The following NOS1AP variants were observed in gnomAD, a reference collection of about 807,000 sequenced individuals.
NOS1AP encodes carboxyl-terminal PDZ ligand of neuronal nitric oxide synthase protein.
A neutral mutation model predicts 56.2 loss-of-function variants in NOS1AP; 21 were observed. The ratio of observed to expected loss-of-function variants is 0.37; its 90% confidence interval spans 0.26 to 0.54. The LOEUF is 0.54. NOS1AP is among the 20% of genes least tolerant of loss of function. The probability of loss-of-function intolerance (pLI) is 0.84; values close to 1 mark genes in which losing one functional copy is unlikely to be tolerated. For missense variants in NOS1AP, 522 were observed against 657.8 expected (o/e 0.79, Z 2.26); for synonymous variants, 270 against 274.6 (o/e 0.98, Z 0.17).
intron 1 of NOS1AP, among the ~76,000 whole-genome samples, chr1:162,087,853 A>G (rs1208401223): frequency 6.6e-6 from 1 of 152,080 alleles, no homozygotes; most frequent in Non-Finnish European, 1.5e-5. Flanking sequence ...GGAGGAGAAA[A>G]CTTGTGATCT....
Position 162,279,248 on chromosome 1 carries a change from G to A in NOS1AP, c.178-8096G>A, listed in dbSNP as rs369040207. Reference sequence around the variant, plus strand: ...TTGTTCAGCTACCCGTGACCTGTCAGCATGCTCCTGGTCAGAGAAAAGTGA... The same window carrying A: ...TTGTTCAGCTACCCGTGACCTGTCAACATGCTCCTGGTCAGAGAAAAGTGA... On this transcript the variant is annotated intron_variant, in intron 2 of 9. Coordinates refer to ENST00000361897, the MANE Select transcript of NOS1AP (RefSeq NM_014697.3). 8.5e-5 allele frequency among the ~76,000 whole-genome samples: 13 copies of A among 152,290 alleles called. No homozygotes were observed. In the South Asian group the frequency reaches 2.3e-3, roughly 27 times the overall value.
chr1:162,174,863 C>T (rs1650988769), intron 2 of NOS1AP, among the ~76,000 whole-genome samples: 1 of 152,172 alleles, frequency 6.6e-6, no homozygotes, highest in African/African-American at 2.4e-5. Flanking sequence ...TGGACTGTGA[C>T]TGTTTTTCAG....
At chr1:162,289,115 G>A (rs1264317095) in intron 3 of NOS1AP, among the ~76,000 whole-genome samples, 1 of 152,190 alleles carries the variant, frequency 6.6e-6, no homozygotes, top group East Asian at 1.9e-4. Context: ...TCAGCAATCT[G>A]TGGCTGACAC....
In NOS1AP at chr1:162,140,789, C is replaced by T. The variant is rs1179198294; in HGVS notation, c.106-13616C>T. Among the ~76,000 whole-genome samples the T allele has an allele frequency of 7.9e-5, 12 of 152,234 alleles. No individual in the cohort carries two copies. In the East Asian group the frequency reaches 2.3e-3, roughly 29 times the overall value. On this transcript the variant is annotated intron_variant, in intron 1 of 9. Transcript: ENST00000361897. ...CAGTATAGAAGCGCGCCCTTTTCTC[C>T]ACAACCTGACCGACATCCGTAATTT...
chr1:162,229,701 C>T (rs1653063188), intron 2 of NOS1AP, among the ~76,000 whole-genome samples: 1 of 152,046 alleles, frequency 6.6e-6, no homozygotes, highest in African/African-American at 2.4e-5. Flanking sequence ...AAGACATAGC[C>T]CTTGATTGAC....
intron 2 of NOS1AP, among the ~76,000 whole-genome samples, chr1:162,194,379 G>A (rs1368297777): frequency 6.6e-6 from 1 of 152,098 alleles, no homozygotes; most frequent in African/African-American, 2.4e-5. Context: ...GTGAGTTTGC[G>A]CTGGTTTGGG....
intron 1 of NOS1AP, among the ~76,000 whole-genome samples, chr1:162,097,787 A>G (rs899410206): frequency 1.2e-4 from 19 of 152,178 alleles, no homozygotes; most frequent in African/African-American, 4.6e-4. Flanking sequence ...ATCTAGCGGG[A>G]TGATTCCTAA....
At chr1:162,366,881 A>G in intron 9 of NOS1AP, 171 bp from the exon 10 acceptor site, 6 of 742,070 alleles carry the variant, frequency 8.1e-6, no homozygotes, top group Non-Finnish European at 1.5e-5. Flanking sequence ...GTCTGGAGCT[A>G]TGTGGGGGCG....
chr1:162,304,131 AT>A (rs762053566), intron 4 of NOS1AP, among the ~76,000 whole-genome samples: 6 of 152,036 alleles, frequency 3.9e-5, no homozygotes, highest in Non-Finnish European at 8.8e-5. Context: ...AGTTGATTCA[AT>A]TTTTTATGTG....
chr1:162,315,092 T>C (rs1252285133), intron 4 of NOS1AP, among the ~76,000 whole-genome samples: 1 of 152,228 alleles, frequency 6.6e-6, no homozygotes, highest in Non-Finnish European at 1.5e-5. Flanking sequence ...GAGGGACCTT[T>C]ATGTTACCCT....
chr1:162,069,729 C>G lies in NOS1AP; in HGVS notation c.-449C>G, dbSNP rs1691616876. 2 of 153,948 alleles carry G rather than the reference C, an allele frequency of 1.3e-5. No homozygotes were observed. The highest frequency in any genetic ancestry group is 2.4e-5 in the African/African-American group (1 of 41,412). 9.5% of individuals were successfully genotyped at this position (153,948 alleles called of 1,614,324 possible). ...CTCGCTGGCGGCTGATCCAGCGTCTCCGTGACAGGCACCCTGCTCCGCCGC... is the reference window on the plus strand; with the variant it reads ...CTCGCTGGCGGCTGATCCAGCGTCTGCGTGACAGGCACCCTGCTCCGCCGC... On this transcript the variant is annotated 5_prime_UTR_variant, in exon 1 of 10. Transcript: ENST00000361897.
In NOS1AP at chr1:162,213,190, G is replaced by A. The variant is rs545159445; in HGVS notation, c.177+58714G>A. Among the ~76,000 whole-genome samples the A allele has an allele frequency of 4.3e-4, 66 of 152,238 alleles. 3 individuals are homozygous for A. The South Asian group carries it at 0.013, about 30-fold the overall frequency. On this transcript the variant is annotated intron_variant, in intron 2 of 9. Transcript: ENST00000361897. ...ACATTTCCTTAGGAAGGAAATGAAC[G>A]TATGAGCATGACCCCTTTTGCTTTA...
intron 2 of NOS1AP, among the ~76,000 whole-genome samples, chr1:162,189,200 T>G (rs1651539782): frequency 6.6e-6 from 1 of 152,218 alleles, no homozygotes; most frequent in Non-Finnish European, 1.5e-5. Flanking sequence ...GAACAGTTTT[T>G]TATATGTTGA....
chr1:162,213,841 C>A (rs542910937), intron 2 of NOS1AP, among the ~76,000 whole-genome samples: 1 of 152,242 alleles, frequency 6.6e-6, no homozygotes, highest in African/African-American at 2.4e-5. Flanking sequence ...ATGCCTGTTG[C>A]AATGAAGCTT....
intron 4 of NOS1AP, among the ~76,000 whole-genome samples, chr1:162,302,114 A>C (rs1655684004): frequency 6.6e-6 from 1 of 152,204 alleles, no homozygotes; most frequent in Admixed American, 6.5e-5. Flanking sequence ...TTCCTGTAGT[A>C]CTGTTTAATG....
chr1:162,285,338 G>A (rs1046446117), intron 2 of NOS1AP, among the ~76,000 whole-genome samples: 23 of 152,312 alleles, frequency 1.5e-4, no homozygotes, highest in African/African-American at 5.5e-4. Context: ...AAATGTAGCT[G>A]GTTCACCTCT....
chr1:162,327,284 AG>A (rs1360154076), intron 4 of NOS1AP, among the ~76,000 whole-genome samples: 1 of 152,240 alleles, frequency 6.6e-6, no homozygotes, highest in African/African-American at 2.4e-5. Context: ...AAGAGGAAAA[AG>A]GAAGGTATTC....
intron 3 of NOS1AP, among the ~76,000 whole-genome samples, chr1:162,292,508 G>T (rs1655310514): frequency 6.6e-6 from 1 of 152,202 alleles, no homozygotes; most frequent in South Asian, 2.1e-4. Context: ...TCTTATGATT[G>T]TTCAAAAGCA....
intron 2 of NOS1AP, among the ~76,000 whole-genome samples, chr1:162,238,085 G>A (rs1653364181): frequency 6.6e-6 from 1 of 152,064 alleles, no homozygotes; most frequent in African/African-American, 2.4e-5. Context: ...GCTTGACCGT[G>A]CTGTTGTTTT....
Sources: gnomAD v4.1 joint callset for allele counts (sites outside exome capture counted in the v4.1 genomes callset) on GRCh38, gnomAD v4.1.1 for gene constraint, MANE v1.5 for transcripts, NCBI Gene and HGNC (gene_info 2026-07-23, HGNC 2026-07-21) for gene names.